Variants in PTPRD observed in about 807,000 individuals in gnomAD.
The protein encoded by PTPRD is receptor-type tyrosine-protein phosphatase delta.
PTPRD carries 34 observed loss-of-function variants against 214.5 expected under a neutral mutation model. The ratio of observed to expected loss-of-function variants is 0.16; its 90% confidence interval spans 0.12 to 0.21. PTPRD has a LOEUF of 0.21. Ranked by LOEUF, PTPRD falls within the 10% of genes least tolerant of loss-of-function variation. The pLI, the probability that PTPRD is intolerant of heterozygous loss-of-function variation, is 1.00. For missense variants in PTPRD, 2,545 were observed against 2,398.7 expected, an observed-to-expected ratio of 1.06 and a Z score of -1.27; for synonymous variants, 1,128 against 845.7, an observed-to-expected ratio of 1.33 and a Z score of -5.79.
chr9:8,861,771 A>C (rs2098111412), intron 11 of PTPRD: 1 of 152,226 alleles, frequency 6.6e-6, no homozygotes, highest in Non-Finnish European at 1.5e-5. Flanking sequence ...AATCCAGCTA[A>C]ATGGAGAAAC....
intron 8 of PTPRD, among the ~76,000 whole-genome samples, chr9:9,568,295 AC>A: frequency 6.6e-6 from 1 of 152,006 alleles, no homozygotes; most frequent in African/African-American, 2.4e-5. Context: ...TTGTAGTAGA[AC>A]ACATGGAAGA....
intron 4 of PTPRD, among the ~76,000 whole-genome samples, chr9:10,012,515 G>A (rs943175882): frequency 6.6e-6 from 1 of 151,738 alleles, no homozygotes; most frequent in Non-Finnish European, 1.5e-5. Flanking sequence ...AACTAAGAAG[G>A]CATTTATTTT....
rs1250029260 is a variant in PTPRD, at chr9:10,300,652, G to A, written c.-545+40311C>T. Among the ~76,000 whole-genome samples the A allele has an allele frequency of 2.6e-5, 4 of 152,170 alleles. No homozygotes were observed. In the East Asian group the frequency reaches 7.7e-4, roughly 29 times the overall value. ...ACAGTGTAAACAAAGCCACCAGGAAGTTTGAAATGGGCTGAGCCTACTGCA... is the reference window on the plus strand; with the variant it reads ...ACAGTGTAAACAAAGCCACCAGGAAATTTGAAATGGGCTGAGCCTACTGCA... On this transcript the variant is annotated intron_variant, in intron 3 of 45. Coordinates refer to ENST00000381196, the MANE Select transcript of PTPRD (RefSeq NM_002839.4).
chr9:9,223,651 C>G (rs1445706120), intron 9 of PTPRD, among the ~76,000 whole-genome samples: 1 of 151,906 alleles, frequency 6.6e-6, no homozygotes, highest in Admixed American at 6.6e-5. Flanking sequence ...CATCATTCCA[C>G]TAGAGCAAAT....
At chr9:9,794,552 C>T (rs571371981) in intron 5 of PTPRD, among the ~76,000 whole-genome samples, 73 of 152,026 alleles carry the variant, frequency 4.8e-4, no homozygotes, top group African/African-American at 1.8e-3. Flanking sequence ...GAACGATAAG[C>T]TAATCAAACA....
intron 10 of PTPRD, among the ~76,000 whole-genome samples, chr9:9,153,042 G>A (rs1264811350): frequency 6.6e-6 from 1 of 152,036 alleles, no homozygotes; most frequent in African/African-American, 2.4e-5. Context: ...TTGACTATTG[G>A]CCATGCTTCT....
At chr9:8,393,036 C>G (rs1564501494) in intron 36 of PTPRD, among the ~76,000 whole-genome samples, 1 of 152,130 alleles carries the variant, frequency 6.6e-6, no homozygotes, top group Non-Finnish European at 1.5e-5. Context: ...AAACAATATG[C>G]TGCTTTCCAA....
At chr9:9,303,223 T>A (rs1417305507) in intron 9 of PTPRD, among the ~76,000 whole-genome samples, 1 of 152,028 alleles carries the variant, frequency 6.6e-6, no homozygotes. Flanking sequence ...CCTATTTTTA[T>A]ACATCAATAA....
chr9:10,573,774 G>C (rs564124054), intron 2 of PTPRD, among the ~76,000 whole-genome samples: 19 of 152,236 alleles, frequency 1.2e-4, no homozygotes, highest in Middle Eastern at 6.8e-3. Context: ...TGAGGAAGTT[G>C]AAGGAGTAGG....
intron 5 of PTPRD, among the ~76,000 whole-genome samples, chr9:9,836,989 T>G (rs1056308955): frequency 1.3e-5 from 2 of 152,194 alleles, no homozygotes; most frequent in African/African-American, 4.8e-5. Context: ...TGGTATTAAT[T>G]GAAGATAAAC....
intron 2 of PTPRD, among the ~76,000 whole-genome samples, chr9:10,460,329 A>G (rs1166909792): frequency 6.6e-6 from 1 of 152,108 alleles, no homozygotes; most frequent in Non-Finnish European, 1.5e-5. Context: ...GATTCAATGC[A>G]GTCCCTATCA....
intron 7 of PTPRD, among the ~76,000 whole-genome samples, chr9:9,578,045 CAAAAAAAAAAAAAAAA>C (rs34128512): frequency 9.8e-6 from 1 of 102,422 alleles, no homozygotes; most frequent in Non-Finnish European, 1.9e-5. Flanking sequence ...GACTCTGTCT[CAAAAAAAAAAAAAAAA>C]AAAAAAAAAA....
chr9:10,212,787 A>C (rs544365098), intron 3 of PTPRD, among the ~76,000 whole-genome samples: 2 of 152,286 alleles, frequency 1.3e-5, no homozygotes, highest in South Asian at 2.1e-4. Flanking sequence ...CTGGAGTCCT[A>C]CAAGGTTTCA....
At chr9:8,806,234 C>CT (rs910803871) in intron 11 of PTPRD, among the ~76,000 whole-genome samples, 61 of 118,682 alleles carry the variant, frequency 5.1e-4, no homozygotes, top group African/African-American at 1.0e-3. Flanking sequence ...CCAGCTTACA[C>CT]TTTTTTTTTT....
At chr9:9,202,061 G>A (rs1353027363) in intron 9 of PTPRD, among the ~76,000 whole-genome samples, 1 of 152,168 alleles carries the variant, frequency 6.6e-6, no homozygotes, top group Non-Finnish European at 1.5e-5. Flanking sequence ...GATAAGAAAA[G>A]CCTTGATGGA....
intron 10 of PTPRD, among the ~76,000 whole-genome samples, chr9:9,175,522 C>G (rs962669925): frequency 6.8e-6 from 1 of 147,748 alleles, no homozygotes; most frequent in Non-Finnish European, 1.5e-5. Context: ...ACTCAGGAGG[C>G]TGAGGCAGGA....
chr9:8,376,767 A>C, intron 37 of PTPRD, 41 bp from the exon 38 acceptor site: 1 of 1,608,468 alleles, frequency 6.2e-7, no homozygotes, highest in Non-Finnish European at 8.5e-7. Flanking sequence ...AATGCTCATC[A>C]ATTTCTCTAT....
intron 5 of PTPRD, among the ~76,000 whole-genome samples, chr9:9,805,099 A>G (rs1170723313): frequency 6.6e-6 from 1 of 152,068 alleles, no homozygotes; most frequent in African/African-American, 2.4e-5. Flanking sequence ...AATAAATACC[A>G]TAGTAGCTTG....
chr9:8,472,688 A>G (rs927221691), intron 30 of PTPRD, among the ~76,000 whole-genome samples: 1 of 151,722 alleles, frequency 6.6e-6, no homozygotes, highest in Non-Finnish European at 1.5e-5. Flanking sequence ...TTATAAAATA[A>G]TCTGGATGTA....
Sources: allele counts gnomAD v4.1 joint callset (sites outside exome capture counted in the v4.1 genomes callset), GRCh38; gene constraint gnomAD v4.1.1; transcripts MANE v1.5; gene names NCBI Gene and HGNC (gene_info 2026-07-23, HGNC 2026-07-21).